The following ISM1 variants were observed in gnomAD, a reference collection of about 807,000 sequenced individuals.
ISM1 encodes isthmin 1, also known as isthmin-1.
Under a neutral mutation model 46.3 loss-of-function variants are expected in ISM1, and 25 were observed. The observed-to-expected ratio is 0.54, with a 90% CI of 0.39 to 0.75. The LOEUF is 0.75. Among genes scored for constraint, ISM1 ranks in the 30% least tolerant of loss-of-function variants. The pLI, the probability that ISM1 is intolerant of heterozygous loss-of-function variation, is 0.00. For missense variants in ISM1, 536 were observed against 625.4 expected, an observed-to-expected ratio of 0.86 and a Z score of 1.52; for synonymous variants, 255 against 256.7, an observed-to-expected ratio of 0.99 and a Z score of 0.06.
chr20:13,280,449 T>C (rs1231496775), intron 3 of ISM1, among the ~76,000 whole-genome samples: 1 of 147,420 alleles, frequency 6.8e-6, no homozygotes, highest in Non-Finnish European at 1.5e-5. Flanking sequence ...TTCCTGTGTT[T>C]TGGGAGTAGG....
chr20:13,221,958 G>C (rs1021973071), intron 1 of ISM1, 44 bp downstream of exon 1: 1 of 1,304,538 alleles, frequency 7.7e-7, no homozygotes, highest in Non-Finnish European at 9.7e-7. Context: ...TGCGGGGACG[G>C]TTTGTGGGGC....
intron 1 of ISM1, among the ~76,000 whole-genome samples, chr20:13,222,234 T>C (rs1023269016): frequency 5.9e-5 from 9 of 152,002 alleles, no homozygotes; most frequent in Non-Finnish European, 1.3e-4. Context: ...AGAATGTGCT[T>C]GCTTGGGGGT....
the ISM1 span, among the ~76,000 whole-genome samples, chr20:13,314,843 G>T: frequency 6.6e-6 from 1 of 152,012 alleles, no homozygotes; most frequent in Non-Finnish European, 1.5e-5. Context: ...GTTTATACAT[G>T]CATGTATGCT....
chr20:13,312,114 A>T, the ISM1 span, among the ~76,000 whole-genome samples: 1 of 152,208 alleles, frequency 6.6e-6, no homozygotes, highest in Non-Finnish European at 1.5e-5. Flanking sequence ...TGTTGATACG[A>T]GTTAAATCTG....
chr20:13,304,469 C>T (rs2040484401), downstream of ISM1, among the ~76,000 whole-genome samples: 2 of 152,180 alleles, frequency 1.3e-5, no homozygotes, highest in South Asian at 4.1e-4. Context: ...GTCCAAACTA[C>T]CCATTGTCCA....
At chr20:13,230,004 T>G (rs1329883580) in intron 1 of ISM1, among the ~76,000 whole-genome samples, 1 of 152,196 alleles carries the variant, frequency 6.6e-6, no homozygotes, top group East Asian at 1.9e-4. Flanking sequence ...TTATTTTCCT[T>G]TATATAAACC....
chr20:13,248,408 G>A (rs1014026653), intron 1 of ISM1, among the ~76,000 whole-genome samples: 10 of 152,154 alleles, frequency 6.6e-5, no homozygotes, highest in African/African-American at 2.2e-4. Flanking sequence ...CCAGTGAGAT[G>A]TCTCCACTCC....
chr20:13,228,933 G>A (rs911433620), intron 1 of ISM1, among the ~76,000 whole-genome samples: 7 of 152,040 alleles, frequency 4.6e-5, no homozygotes, highest in Non-Finnish European at 8.8e-5. Flanking sequence ...ATAACTGAAC[G>A]CTCATAGTAA....
intron 1 of ISM1, among the ~76,000 whole-genome samples, chr20:13,263,926 T>C (rs893476895): frequency 6.6e-6 from 1 of 152,234 alleles, no homozygotes; most frequent in Non-Finnish European, 1.5e-5. Flanking sequence ...TTGCTAATAA[T>C]ATCTTCTTTA....
downstream of ISM1, among the ~76,000 whole-genome samples, chr20:13,304,663 C>A (rs1443731701): frequency 6.6e-6 from 1 of 152,186 alleles, no homozygotes; most frequent in African/African-American, 2.4e-5. Flanking sequence ...TGTCAGTCAA[C>A]TGTTTGGTGA....
chr20:13,227,242 C>T (rs761545284), intron 1 of ISM1, among the ~76,000 whole-genome samples: 5 of 152,176 alleles, frequency 3.3e-5, no homozygotes, highest in African/African-American at 4.8e-5. Flanking sequence ...CTCACTCTAT[C>T]TCCCAGGCTG....
the ISM1 span, among the ~76,000 whole-genome samples, chr20:13,310,407 C>A: frequency 6.6e-6 from 1 of 152,094 alleles, no homozygotes; most frequent in Non-Finnish European, 1.5e-5. Context: ...TATCTCACCC[C>A]ACATATAATA....
chr20:13,302,938 G>A (rs4814219), downstream of ISM1, among the ~76,000 whole-genome samples: 85,148 of 152,028 alleles, frequency 0.56, 25,271 homozygotes, highest in African/African-American at 0.76. Flanking sequence ...CAGTCTTTAT[G>A]TCTTAGTGGC....
At position 13,274,784 on chromosome 20, in the gene ISM1, G is replaced by A. The variant is rs760123553; in HGVS notation, c.378+4041G>A. 4.6e-5 allele frequency among the ~76,000 whole-genome samples: 7 copies of A among 151,920 alleles called. No individual in the cohort carries two copies. The East Asian group carries it at 7.7e-4, about 17-fold the overall frequency. On this transcript the variant is annotated intron_variant, in intron 2 of 5. Coordinates refer to ENST00000262487, the MANE Select transcript of ISM1 (RefSeq NM_080826.2). ...TAACTCCCAGAAGTCAGGCAGCCTC[G>A]GTCCCAAGTGAATCAGACAATTCTA...
chr20:13,294,173 C>T (rs1018139554), intron 5 of ISM1, among the ~76,000 whole-genome samples: 4 of 152,006 alleles, frequency 2.6e-5, no homozygotes, highest in African/African-American at 9.7e-5. Flanking sequence ...CTTGATTTTG[C>T]CAGATTATAT....
intron 1 of ISM1, among the ~76,000 whole-genome samples, chr20:13,224,508 T>G (rs1347506219): frequency 6.6e-6 from 1 of 152,208 alleles, no homozygotes; most frequent in African/African-American, 2.4e-5. Context: ...CATCTAAATT[T>G]GTTGGTTCTG....
chr20:13,255,876 A>G (rs114210861), intron 1 of ISM1, among the ~76,000 whole-genome samples: 2,096 of 151,546 alleles, frequency 0.014, 35 homozygotes, highest in African/African-American at 0.036. Context: ...CATTCAGCCC[A>G]CCAACCAGCC....
At position 13,298,941 on chromosome 20, in the gene ISM1, GAC is replaced by G; in HGVS notation, c.881_882del (p.Thr294ArgfsTer4). 2 of 1,612,576 alleles carry G rather than the reference GAC, an allele frequency of 1.2e-6. No homozygotes were observed. The highest frequency in any genetic ancestry group is 8.5e-7 in the Non-Finnish European group (1 of 1,179,114). ...GAGGGTTTCTCTTTGGCCTTTTCCAGACACAGACAGCTGTGAGCGCTGGATGA... is the reference window on the plus strand; with the variant it reads ...GAGGGTTTCTCTTTGGCCTTTTCCAGACAGACAGCTGTGAGCGCTGGATGA... ...EFNATKLFEV[D>X]TDSCERWMSC... On this transcript the variant is annotated frameshift_variant and splice_region_variant, in exon 6 of 6. Coordinates refer to ENST00000262487, the MANE Select transcript of ISM1 (RefSeq NM_080826.2). LOFTEE classifies it high-confidence loss of function.
At chr20:13,227,633 C>T (rs565444973) in intron 1 of ISM1, among the ~76,000 whole-genome samples, 48 of 151,806 alleles carry the variant, frequency 3.2e-4, no homozygotes, top group African/African-American at 8.5e-4. Context: ...TTCAGCCTCC[C>T]GGGTAGCTGG....
Sources: allele counts gnomAD v4.1 joint callset (sites outside exome capture counted in the v4.1 genomes callset), GRCh38; gene constraint gnomAD v4.1.1; transcripts MANE v1.5; gene names NCBI Gene and HGNC (gene_info 2026-07-23, HGNC 2026-07-21).